The following TMEM117 variants were observed in gnomAD, a reference collection of about 807,000 sequenced individuals.
TMEM117 encodes the protein transmembrane protein 117.
A neutral mutation model predicts 52.4 loss-of-function variants in TMEM117; 27 were observed. The ratio of observed to expected loss-of-function variants is 0.51; its 90% CI spans 0.38 to 0.71. TMEM117 has a LOEUF of 0.71. Ranked by LOEUF, TMEM117 falls within the 30% of genes least tolerant of loss-of-function variation. TMEM117 has a pLI of 0.00. For synonymous variants in TMEM117, 215 were observed against 206.3 expected (o/e 1.04, Z -0.36); for missense variants, 556 against 630.5 (o/e 0.88, Z 1.26).
intron 2 of TMEM117, among the ~76,000 whole-genome samples, chr12:43,854,613 T>C (rs1217601471): frequency 6.6e-6 from 1 of 152,004 alleles, no homozygotes; most frequent in Non-Finnish European, 1.5e-5. Flanking sequence ...AGGCACACTT[T>C]TTAAAAAATT....
intron 6 of TMEM117, chr12:44,318,355 A>T (rs576980751): frequency 6.6e-6 from 1 of 152,288 alleles, no homozygotes; most frequent in South Asian, 2.1e-4. Flanking sequence ...GCTACACTCT[A>T]ATCTATGTAC....
chr12:44,197,380 T>G (rs889776721), intron 4 of TMEM117, among the ~76,000 whole-genome samples: 4 of 152,218 alleles, frequency 2.6e-5, no homozygotes, highest in African/African-American at 9.7e-5. Flanking sequence ...TTATCCATGT[T>G]AACAAAGCAG....
At chr12:44,162,591 G>T (rs1235750617) in intron 4 of TMEM117, among the ~76,000 whole-genome samples, 2 of 152,180 alleles carry the variant, frequency 1.3e-5, no homozygotes, top group East Asian at 3.9e-4. Context: ...ATTATATCTT[G>T]TCCTTTTTCT....
intron 6 of TMEM117, among the ~76,000 whole-genome samples, chr12:44,374,644 G>GTGTA (rs1272520639): frequency 1.3e-5 from 2 of 151,802 alleles, no homozygotes; most frequent in East Asian, 3.9e-4. Context: ...GTGTGTGTGT[G>GTGTA]TGTGTGTGTG....
chr12:44,078,406 A>G (rs1280748556), intron 3 of TMEM117, among the ~76,000 whole-genome samples: 2 of 152,198 alleles, frequency 1.3e-5, no homozygotes, highest in East Asian at 3.9e-4. Context: ...GTTCTAGGAA[A>G]GTGGCTGTCC....
chr12:44,150,297 G>A (rs1007640594), intron 4 of TMEM117, among the ~76,000 whole-genome samples: 2 of 149,126 alleles, frequency 1.3e-5, no homozygotes. Context: ...TGGGGAATCT[G>A]TAAGAGATGA....
intron 5 of TMEM117, among the ~76,000 whole-genome samples, chr12:44,253,264 A>G (rs921321446): frequency 1.3e-5 from 2 of 152,244 alleles, no homozygotes; most frequent in Non-Finnish European, 2.9e-5. Context: ...AAAAATTAAA[A>G]CATTATGTTA....
intron 6 of TMEM117, among the ~76,000 whole-genome samples, chr12:44,345,234 A>G (rs1951469609): frequency 6.6e-6 from 1 of 152,208 alleles, no homozygotes; most frequent in South Asian, 2.1e-4. Flanking sequence ...CAAAGTCACC[A>G]GAGCTGAGTT....
the TMEM117 span, among the ~76,000 whole-genome samples, chr12:44,397,915 A>G: frequency 6.6e-6 from 1 of 152,134 alleles, no homozygotes; most frequent in Admixed American, 6.6e-5. Flanking sequence ...AACGTTAGAC[A>G]AGAAGTGTCT....
the TMEM117 span, among the ~76,000 whole-genome samples, chr12:43,800,142 A>AT: frequency 2.0e-5 from 3 of 152,126 alleles, no homozygotes; most frequent in East Asian, 5.8e-4. Context: ...GTTCAAAAAT[A>AT]TATTTCAGTG....
At chr12:44,172,643 G>A (rs1485640616) in intron 4 of TMEM117, among the ~76,000 whole-genome samples, 1 of 152,126 alleles carries the variant, frequency 6.6e-6, no homozygotes, top group Non-Finnish European at 1.5e-5. Flanking sequence ...CAGGAACACA[G>A]TTAAACCCGT....
chr12:44,141,869 G>C (rs1398730372), intron 3 of TMEM117, among the ~76,000 whole-genome samples: 2 of 152,096 alleles, frequency 1.3e-5, no homozygotes, highest in Non-Finnish European at 2.9e-5. Flanking sequence ...GAGAGCTAAA[G>C]GTTCTGCATA....
intron 6 of TMEM117, among the ~76,000 whole-genome samples, chr12:44,370,923 G>T (rs1402769668): frequency 6.6e-6 from 1 of 152,072 alleles, no homozygotes; most frequent in East Asian, 1.9e-4. Context: ...AAAACAGAAA[G>T]AAATTCCTCT....
chr12:43,909,491 T>TA (rs1944455254), intron 2 of TMEM117, among the ~76,000 whole-genome samples: 1 of 136,812 alleles, frequency 7.3e-6, no homozygotes, highest in South Asian at 2.6e-4. Flanking sequence ...AAGAAATAGC[T>TA]AAAATCAGAG....
intron 3 of TMEM117, among the ~76,000 whole-genome samples, chr12:44,115,656 A>G (rs1441399589): frequency 6.6e-6 from 1 of 152,036 alleles, no homozygotes; most frequent in Non-Finnish European, 1.5e-5. Flanking sequence ...TGTTTCTACA[A>G]TTTTCAAGCC....
At chr12:44,147,162 C>T (rs17094160) in intron 4 of TMEM117, among the ~76,000 whole-genome samples, 2,851 of 152,164 alleles carry the variant, frequency 0.019, 50 homozygotes, top group African/African-American at 0.046. Flanking sequence ...AAGTGCTGAG[C>T]GATGTAATCC....
chr12:44,088,026 G>A (rs909233556), intron 3 of TMEM117, among the ~76,000 whole-genome samples: 17 of 152,146 alleles, frequency 1.1e-4, no homozygotes, highest in African/African-American at 3.6e-4. Context: ...ATGTACACAA[G>A]CACAGCATTC....
chr12:43,855,929 A>G (rs987909757), intron 2 of TMEM117, among the ~76,000 whole-genome samples: 1 of 152,232 alleles, frequency 6.6e-6, no homozygotes, highest in Admixed American at 6.5e-5. Flanking sequence ...ATATCAAAAC[A>G]TGAAGAATTC....
At chr12:44,309,502 T>A (rs1339673571) in intron 6 of TMEM117, among the ~76,000 whole-genome samples, 2 of 152,006 alleles carry the variant, frequency 1.3e-5, no homozygotes, top group Admixed American at 6.5e-5. Context: ...GCTACTAAGA[T>A]GGGCAGAATG....
Sources: gnomAD v4.1 joint callset for allele counts (sites outside exome capture counted in the v4.1 genomes callset) on GRCh38, gnomAD v4.1.1 for gene constraint, MANE v1.5 for transcripts, NCBI Gene and HGNC (gene_info 2026-07-23, HGNC 2026-07-21) for gene names.